The following IMMP2L variants were observed in gnomAD, a reference collection of about 807,000 sequenced individuals.
IMMP2L encodes the protein inner mitochondrial membrane peptidase subunit 2.
IMMP2L carries 18 observed loss-of-function variants against 19.3 expected under a neutral mutation model. The ratio of observed to expected loss-of-function variants is 0.93; its 90% CI spans 0.64 to 1.38. The LOEUF (loss-of-function observed/expected upper bound fraction) is 1.38, where lower values mean the gene tolerates loss of function less well. Among genes scored for constraint, IMMP2L ranks in the 40% most tolerant of loss-of-function variants. The pLI is 0.00. For missense variants in IMMP2L, 233 were observed against 218.2 expected, an observed-to-expected ratio of 1.07 and a Z score of -0.43; for synonymous variants, 76 against 73.0, an observed-to-expected ratio of 1.04 and a Z score of -0.21.
intron 5 of IMMP2L, among the ~76,000 whole-genome samples, chr7:110,789,469 C>T (rs1325525521): frequency 6.6e-6 from 1 of 151,702 alleles, no homozygotes; most frequent in African/African-American, 2.4e-5. Context: ...GATCCTACGA[C>T]TTCATACCAT....
At chr7:111,447,981 A>C (rs972256239) in intron 3 of IMMP2L, among the ~76,000 whole-genome samples, 2 of 143,034 alleles carry the variant, frequency 1.4e-5, no homozygotes, top group African/African-American at 5.4e-5. Context: ...ATAATGGTAA[A>C]GGGATCAATT....
chr7:110,916,664 A>C (rs1813646393), intron 4 of IMMP2L, among the ~76,000 whole-genome samples: 1 of 152,226 alleles, frequency 6.6e-6, no homozygotes, highest in African/African-American at 2.4e-5. Context: ...AGGAATGCCA[A>C]ATAATTGTAA....
chr7:110,738,125 T>C (rs965606176), intron 5 of IMMP2L, among the ~76,000 whole-genome samples: 23 of 152,120 alleles, frequency 1.5e-4, no homozygotes, highest in Non-Finnish European at 8.8e-5. Context: ...AGAAAAACAA[T>C]TCTGCTAATA....
intron 3 of IMMP2L, among the ~76,000 whole-genome samples, chr7:111,129,601 G>C (rs1234634091): frequency 6.6e-6 from 1 of 151,986 alleles, no homozygotes; most frequent in African/African-American, 2.4e-5. Context: ...CTAGGTCGTT[G>C]CTTGGGAGAA....
chr7:110,735,644 A>ATG (rs2130839848), intron 5 of IMMP2L, among the ~76,000 whole-genome samples: 1 of 113,424 alleles, frequency 8.8e-6, no homozygotes, highest in Admixed American at 1.0e-4. Flanking sequence ...ATATATATAT[A>ATG]TTAGACAAAT....
intron 3 of IMMP2L, among the ~76,000 whole-genome samples, chr7:111,447,325 CA>C (rs1464520492): frequency 7.6e-6 from 1 of 131,540 alleles, no homozygotes; most frequent in Non-Finnish European, 1.6e-5. Context: ...GGATTACCCT[CA>C]AAGGGAAGCC....
chr7:111,556,014 G>GTGTGTGTATATATATAT, intron 1 of IMMP2L, among the ~76,000 whole-genome samples: 1 of 114,570 alleles, frequency 8.7e-6, no homozygotes, highest in Non-Finnish European at 1.7e-5. Flanking sequence ...TCTTCTGTGT[G>GTGTGTGTATATATATAT]CATGTATATA....
intron 3 of IMMP2L, among the ~76,000 whole-genome samples, chr7:111,118,783 G>A (rs938246691): frequency 2.0e-5 from 3 of 151,928 alleles, no homozygotes; most frequent in South Asian, 2.1e-4. Flanking sequence ...CTAAAGAAAC[G>A]ATAAATTTCT....
At chr7:111,130,076 G>A (rs1237265753) in intron 3 of IMMP2L, among the ~76,000 whole-genome samples, 1 of 152,052 alleles carries the variant, frequency 6.6e-6, no homozygotes, top group Non-Finnish European at 1.5e-5. Flanking sequence ...ATACTAAAAA[G>A]AGACAAGCCT....
rs1792204371 is a variant in IMMP2L, at chr7:111,562,437, C to G, written c.-589G>C. 1 of 151,588 alleles carries G rather than the reference C, an allele frequency of 6.6e-6. No homozygotes were observed. The highest frequency in any genetic ancestry group is 6.6e-5 in the Admixed American group (1 of 15,186). 9.4% of individuals were successfully genotyped at this position (151,588 alleles called of 1,614,324 possible). ...AGCCTCACAGCCCCCCACCCGCCGC[C>G]GGACGCCGGGCGCCCGCCCTCCGCA... is the stretch of plus-strand genomic sequence containing the variant. On this transcript the variant is annotated 5_prime_UTR_variant, in exon 1 of 6. Coordinates refer to ENST00000405709, the MANE Select transcript of IMMP2L (RefSeq NM_032549.4).
chr7:111,390,115 C>T (rs771850296), intron 3 of IMMP2L, among the ~76,000 whole-genome samples: 2 of 152,146 alleles, frequency 1.3e-5, no homozygotes, highest in South Asian at 2.1e-4. Flanking sequence ...CATATATGGG[C>T]AGTGCAGTCA....
At chr7:110,894,639 T>G (rs1172888091) in intron 4 of IMMP2L, among the ~76,000 whole-genome samples, 1 of 152,198 alleles carries the variant, frequency 6.6e-6, no homozygotes, top group Non-Finnish European at 1.5e-5. Flanking sequence ...TTTGTAAATA[T>G]TTTCTCCTAA....
intron 5 of IMMP2L, among the ~76,000 whole-genome samples, chr7:110,793,646 T>C (rs1055132841): frequency 6.6e-6 from 1 of 151,826 alleles, no homozygotes; most frequent in Admixed American, 6.6e-5. Flanking sequence ...GTAGAATGAG[T>C]AAGTCTAGAG....
At chr7:111,281,158 GAA>G (rs1228081137) in intron 3 of IMMP2L, among the ~76,000 whole-genome samples, 65 of 19,670 alleles carry the variant, frequency 3.3e-3, no homozygotes, top group African/African-American at 6.2e-3. Context: ...CAGAAAGACA[GAA>G]AGAAAGAAAG....
At chr7:111,030,011 T>A (rs949710344) in intron 3 of IMMP2L, among the ~76,000 whole-genome samples, 3 of 152,112 alleles carry the variant, frequency 2.0e-5, no homozygotes, top group African/African-American at 7.2e-5. Flanking sequence ...AACCCAGTGG[T>A]CACAACTGTT....
intron 3 of IMMP2L, among the ~76,000 whole-genome samples, chr7:111,424,297 G>A (rs1321542696): frequency 6.6e-6 from 1 of 151,754 alleles, no homozygotes; most frequent in Non-Finnish European, 1.5e-5. Flanking sequence ...AGGAAGGAAG[G>A]AGAGAAGGAA....
intron 5 of IMMP2L, among the ~76,000 whole-genome samples, chr7:110,737,489 C>A (rs1049683006): frequency 6.6e-6 from 1 of 152,100 alleles, no homozygotes; most frequent in East Asian, 1.9e-4. Flanking sequence ...GGAACCATAC[C>A]CCCATCTGCC....
chr7:111,234,425 T>C (rs1814059251), intron 3 of IMMP2L, among the ~76,000 whole-genome samples: 1 of 152,144 alleles, frequency 6.6e-6, no homozygotes, highest in African/African-American at 2.4e-5. Context: ...GATTTGTGTC[T>C]TGCTCCTTGA....
chr7:111,274,848 T>C (rs1818846109), intron 3 of IMMP2L, among the ~76,000 whole-genome samples: 1 of 152,098 alleles, frequency 6.6e-6, no homozygotes, highest in Non-Finnish European at 1.5e-5. Context: ...GAAAGAGTAA[T>C]AGTATAATGA....
Sources: gnomAD v4.1 joint callset for allele counts (sites outside exome capture counted in the v4.1 genomes callset) on GRCh38, gnomAD v4.1.1 for gene constraint, MANE v1.5 for transcripts, NCBI Gene and HGNC (gene_info 2026-07-23, HGNC 2026-07-21) for gene names.